Variants in CLEC4F observed in about 807,000 individuals in gnomAD.
The protein encoded by CLEC4F is C-type (calcium dependent, carbohydrate-recognition domain) lectin, superfamily member 13.
A neutral mutation model predicts 53.4 loss-of-function variants in CLEC4F; 45 were observed. That is an observed-to-expected ratio of 0.84 (90% CI 0.66 to 1.08). CLEC4F has a LOEUF of 1.08. Ranked by LOEUF, CLEC4F falls within the 50% of genes least tolerant of loss-of-function variation. CLEC4F has a pLI of 0.00. For synonymous variants in CLEC4F, 245 were observed against 257.5 expected (o/e 0.95, Z 0.46); for missense variants, 753 against 698.2 (o/e 1.08, Z -0.88).
intron 2 of CLEC4F, 122 bp downstream of exon 2, chr2:70,819,653 G>A (rs934483376): frequency 2.3e-6 from 2 of 851,314 alleles, no homozygotes; most frequent in Non-Finnish European, 3.8e-6. Context: ...TGGGCCTGGA[G>A]CTGGAGGTGG....
At chr2:70,821,784 T>C (rs782313779), upstream of CLEC4F, among the ~76,000 whole-genome samples, 11 of 152,098 alleles carry the variant, frequency 7.2e-5, no homozygotes, top group African/African-American at 1.4e-4. Flanking sequence ...AGTGGTACGA[T>C]CATAAGTCAA....
chr2:70,822,957 C>T (rs772446144), upstream of CLEC4F, among the ~76,000 whole-genome samples: 2 of 152,242 alleles, frequency 1.3e-5, no homozygotes, highest in African/African-American at 2.4e-5. Context: ...CGGAACGTGC[C>T]TCCTCTGAGG....
At chr2:70,813,825 C>T (rs557993348) in intron 4 of CLEC4F, among the ~76,000 whole-genome samples, 245 of 151,822 alleles carry the variant, frequency 1.6e-3, no homozygotes, top group Non-Finnish European at 3.0e-3. Flanking sequence ...TACAGGTGCC[C>T]GCCACCATGC....
intron 5 of CLEC4F, 80 bp from the exon 6 acceptor site, chr2:70,809,937 G>C: frequency 1.2e-6 from 1 of 834,312 alleles, no homozygotes; most frequent in South Asian, 1.4e-5. Context: ...CCTGCTTATA[G>C]ATATACACAT....
At chr2:70,817,469 G>A (rs557387283) in intron 3 of CLEC4F, among the ~76,000 whole-genome samples, 1 of 152,298 alleles carries the variant, frequency 6.6e-6, no homozygotes, top group East Asian at 1.9e-4. Context: ...ATCATTTAGA[G>A]CTGTTGAAGT....
rs113341658 is a variant in CLEC4F, at chr2:70,819,917, G to A, written c.62-26C>T. ...CTGCAGGGGAGAAGGCAGTGTCCAA[G>A]GTGAGAGGGTGCTGTGCAAGGTAAG... On this transcript the variant is annotated intron_variant, in intron 1 of 6. Transcript: ENST00000272367. The A allele has an allele frequency of 2.1e-4, 307 of 1,478,320 alleles. 2 individuals carry two copies. The African/African-American group carries it at 3.7e-3, about 18-fold the overall frequency. The allele number at this position is 1,478,320 out of a possible 1,614,324, so 91.6% of individuals were successfully genotyped here. A position where few individuals can be genotyped will look rare whatever the true frequency, so the allele number is the denominator to read the frequency against.
At position 70,809,792 on chromosome 2, in the gene CLEC4F, C is replaced by T. The variant is rs545107860; in HGVS notation, c.1605G>A (p.Glu535=). 1.2e-6 allele frequency: 2 copies of T among 1,614,190 alleles called. 1 individual carries two copies. The highest frequency in any genetic ancestry group is 4.5e-5 in the East Asian group (2 of 44,882). Residue 535 remains glutamate (E), a synonymous_variant, in exon 6 of 7, where the codon GAG becomes GAA. Transcript: ENST00000272367. Reference sequence around the variant, plus strand: ...TCCCATCTGTCCAGCGCCAGGAGCCCTCTGTGCCCCTGTCAGTGAGACCGA... The same window carrying T: ...TCCCATCTGTCCAGCGCCAGGAGCCTTCTGTGCCCCTGTCAGTGAGACCGA... ...YWIGLTDRGT[E]GSWRWTDGTP...
At chr2:70,821,108 C>T (rs2104686136), upstream of CLEC4F, among the ~76,000 whole-genome samples, 1 of 152,276 alleles carries the variant, frequency 6.6e-6, no homozygotes, top group East Asian at 1.9e-4. Context: ...GGGACTTGAG[C>T]ATCTGTGGAC....
intron 4 of CLEC4F, among the ~76,000 whole-genome samples, chr2:70,813,797 C>T (rs1460718512): frequency 6.6e-6 from 1 of 152,038 alleles, no homozygotes; most frequent in African/African-American, 2.4e-5. Flanking sequence ...CCTGCCTACC[C>T]TCCTGAGTAG....
chr2:70,816,757 G>A lies in CLEC4F; in HGVS notation c.624C>T (p.Thr208=), dbSNP rs782274576. 1 of 1,614,042 alleles carries A rather than the reference G, an allele frequency of 6.2e-7. No homozygotes were observed. The highest frequency in any genetic ancestry group is 1.1e-5 in the South Asian group (1 of 91,062). The change falls in exon 4 of 7, where the codon ACC becomes ACT. Residue 208 remains threonine, a synonymous_variant. Transcript: ENST00000272367. The part of the protein sequence containing the change: ...LNFLKSSLEN[T]SIELHVLSRG... ...TGCTTAGCACGTGGAGCTCAATGCT[G>A]GTGTTTTCTAAACTGCTTTTTAAGA...
intron 6 of CLEC4F, 49 bp from the exon 7 acceptor site, chr2:70,809,431 A>C: frequency 6.5e-7 from 1 of 1,539,704 alleles, no homozygotes. Flanking sequence ...CACTGGCTGC[A>C]TGCCAGCCTC....
intron 5 of CLEC4F, chr2:70,811,359 G>T: frequency 2.3e-6 from 2 of 885,630 alleles, no homozygotes; most frequent in Non-Finnish European, 1.8e-6. Flanking sequence ...AGACTGTTGA[G>T]CAGCTAGTGT....
In CLEC4F at chr2:70,811,661, A is replaced by G. The variant is rs191764835; in HGVS notation, c.1539+786T>C. Among the ~76,000 whole-genome samples, 5 of 152,328 alleles carry G rather than the reference A, an allele frequency of 3.3e-5. No homozygotes were observed. The East Asian group carries it at 9.6e-4, about 29-fold the overall frequency. On this transcript the variant is annotated intron_variant, in intron 5 of 6. Coordinates refer to ENST00000272367, the MANE Select transcript of CLEC4F (RefSeq NM_173535.3). ...GGCAAGTTCTGATAAGGACCACGAC[A>G]GTGAGCCACCTGGGACGGTATTGCG...
intron 4 of CLEC4F, 129 bp downstream of exon 4, chr2:70,815,865 T>C (rs1574375444): frequency 9.8e-7 from 1 of 1,021,114 alleles, no homozygotes; most frequent in African/African-American, 1.6e-5. Flanking sequence ...CCCAGTTTCC[T>C]TGGGCCCATT....
intron 4 of CLEC4F, among the ~76,000 whole-genome samples, chr2:70,814,582 C>G (rs542338806): frequency 1.3e-5 from 2 of 152,152 alleles, no homozygotes; most frequent in Non-Finnish European, 2.9e-5. Flanking sequence ...CAAACTCTAG[C>G]CTGTCAGCAG....
chr2:70,819,236 G>T, intron 3 of CLEC4F, 119 bp downstream of exon 3: 1 of 743,506 alleles, frequency 1.3e-6, no homozygotes, highest in South Asian at 1.6e-5. Context: ...ATCTCTTTCT[G>T]TGAGGATGGT....
chr2:70,822,605 C>T (rs1677255922), upstream of CLEC4F, among the ~76,000 whole-genome samples: 1 of 152,156 alleles, frequency 6.6e-6, no homozygotes, highest in South Asian at 2.1e-4. Flanking sequence ...TCAAGGAACC[C>T]CTCTAAAAGC....
At position 70,808,972 on chromosome 2, in the gene CLEC4F, TA is replaced by T. The variant is rs1379173355; in HGVS notation, c.*298del. 4.8e-6 allele frequency: 5 copies of T among 1,035,716 alleles called. No individual in the cohort carries two copies. The highest frequency in any genetic ancestry group is 7.1e-6 in the Non-Finnish European group (5 of 701,924). The allele number at this position is 1,035,716 out of a possible 1,614,324, so 64.2% of individuals were successfully genotyped here. A position where few individuals can be genotyped will look rare whatever the true frequency, so the allele number is the denominator to read the frequency against. On this transcript the variant is annotated 3_prime_UTR_variant, in exon 7 of 7. Transcript: ENST00000272367. ...CATGGGCTTCTTGCACACCCACTGA[TA>T]GGGGGTGTCACAGGTCATGTCATTC...
chr2:70,823,030 C>T (rs1488386049), upstream of CLEC4F, among the ~76,000 whole-genome samples: 4 of 152,200 alleles, frequency 2.6e-5, no homozygotes, highest in Non-Finnish European at 4.4e-5. Flanking sequence ...GATGTCAACC[C>T]GGCAAGCAAG....
Sources: gnomAD v4.1 joint callset for allele counts (sites outside exome capture counted in the v4.1 genomes callset) on GRCh38, gnomAD v4.1.1 for gene constraint, MANE v1.5 for transcripts, NCBI Gene and HGNC (gene_info 2026-07-23, HGNC 2026-07-21) for gene names.